URI1: variants seen among roughly 807,000 people sequenced by gnomAD.
URI1 encodes URI1 prefoldin like chaperone, also known as unconventional prefoldin RPB5 interactor 1.
URI1 carries 39 observed loss-of-function variants against 60.2 expected under a neutral mutation model. That is an observed-to-expected ratio of 0.65 (90% CI 0.50 to 0.85). The LOEUF is 0.85. Among genes scored for constraint, URI1 ranks in the 40% least tolerant of loss-of-function variants. The probability of loss-of-function intolerance (pLI) is 0.00; values close to 1 mark genes in which losing one functional copy is unlikely to be tolerated. For synonymous variants in URI1, 251 were observed against 236.8 expected (o/e 1.06, Z -0.55); for missense variants, 691 against 665.9 (o/e 1.04, Z -0.42).
At chr19:29,931,910 TTGTGTGTGTG>T (rs56181840) in intron 1 of URI1, among the ~76,000 whole-genome samples, 16 of 140,084 alleles carry the variant, frequency 1.1e-4, no homozygotes, top group East Asian at 8.5e-4. Context: ...GCTCTAACAG[TTGTGTGTGTG>T]TGTGTGTGTG....
chr19:29,925,928 G>A (rs1401555886), intron 1 of URI1: 1 of 152,184 alleles, frequency 6.6e-6, no homozygotes, highest in African/African-American at 2.4e-5. Flanking sequence ...TTGGTATGAA[G>A]TTTAAAAACA....
At chr19:29,959,219 G>A (rs1599674879) in intron 1 of URI1, among the ~76,000 whole-genome samples, 2 of 152,134 alleles carry the variant, frequency 1.3e-5, no homozygotes, top group African/African-American at 4.8e-5. Context: ...GGAACTCCCA[G>A]GCTCAGGTGA....
intron 1 of URI1, among the ~76,000 whole-genome samples, chr19:29,964,953 CAAG>C (rs1032303563): frequency 2.0e-5 from 3 of 151,412 alleles, no homozygotes; most frequent in African/African-American, 7.3e-5. Flanking sequence ...ACCTGTGTGG[CAAG>C]TTTGCTACTC....
chr19:29,943,684 C>T (rs915610675), intron 1 of URI1, among the ~76,000 whole-genome samples: 1 of 152,060 alleles, frequency 6.6e-6, no homozygotes, highest in Admixed American at 6.5e-5. Context: ...AAAAAACCCT[C>T]GTTTGCTTGG....
intron 4 of URI1, among the ~76,000 whole-genome samples, chr19:29,992,339 G>C (rs1238025836): frequency 1.3e-5 from 2 of 152,226 alleles, no homozygotes; most frequent in Non-Finnish European, 2.9e-5. Context: ...CAAAGTGCTA[G>C]GTTTACAGGC....
At position 29,942,674 on chromosome 19, in the gene URI1, A is replaced by C; in HGVS notation, c.117+10A>C. On this transcript the variant is annotated intron_variant, in intron 1 of 10. Transcript: ENST00000392271. ...CGAGGAGCAGGAAAAGGTAACTAGC[A>C]GCCCCGCGCCGCTTCCGCCTCCGCC... is the stretch of plus-strand genomic sequence containing the variant. The C allele has an allele frequency of 3.6e-6, 5 of 1,380,970 alleles. No homozygotes were observed. The highest frequency in any genetic ancestry group is 4.7e-6 in the Non-Finnish European group (5 of 1,068,134). 85.5% of individuals were successfully genotyped at this position (1,380,970 alleles called of 1,614,324 possible).
At chr19:29,969,402 A>T (rs186671215) in intron 1 of URI1, among the ~76,000 whole-genome samples, 1 of 152,268 alleles carries the variant, frequency 6.6e-6, no homozygotes, top group Admixed American at 6.5e-5. Flanking sequence ...TATGTGCCAA[A>T]TTTGCATATT....
chr19:29,939,476 G>T (rs1284834784), upstream of URI1, among the ~76,000 whole-genome samples: 16 of 151,642 alleles, frequency 1.1e-4, no homozygotes, highest in Admixed American at 3.3e-4. Context: ...GTTTCATCAT[G>T]TTGGCCAGGC....
At chr19:29,974,384 T>G (rs1017356128) in intron 2 of URI1, among the ~76,000 whole-genome samples, 2 of 152,148 alleles carry the variant, frequency 1.3e-5, no homozygotes. Context: ...GAGAGAGAGT[T>G]GGGTTTCTGT....
In URI1 at chr19:30,009,283, A is replaced by G. The variant is rs773761081; in HGVS notation, c.965A>G (p.His322Arg). The change falls in exon 8 of 11, where the codon CAT (histidine) becomes CGT (arginine). Residue 322 changes from histidine (H) to arginine (R), a missense_variant. Transcript: ENST00000392271. ...GACGACGATGATGGTGATAACGACCATGAGGCTTTAGGGGTTGGAGATAAT... is the reference window on the plus strand; with the variant it reads ...GACGACGATGATGGTGATAACGACCGTGAGGCTTTAGGGGTTGGAGATAAT... ...NIDDDDGDNDHEALGVGDNSI... is the reference protein window; with the variant it reads ...NIDDDDGDNDREALGVGDNSI... 6.2e-7 allele frequency: 1 copy of G among 1,614,146 alleles called. No homozygotes were observed. The highest frequency in any genetic ancestry group is 1.7e-5 in the Admixed American group (1 of 60,008).
chr19:29,931,910 T>TGTGTGTG (rs745589583), intron 1 of URI1, among the ~76,000 whole-genome samples: 1 of 139,992 alleles, frequency 7.1e-6, no homozygotes, highest in Non-Finnish European at 1.5e-5. Context: ...GCTCTAACAG[T>TGTGTGTG]TGTGTGTGTG....
upstream of URI1, among the ~76,000 whole-genome samples, chr19:29,938,361 G>C (rs1461236163): frequency 6.6e-6 from 1 of 152,062 alleles, no homozygotes; most frequent in African/African-American, 2.4e-5. Context: ...GAGGTGCCAG[G>C]CTCTTTTAAA....
intron 1 of URI1, among the ~76,000 whole-genome samples, chr19:29,924,837 T>A (rs2054852223): frequency 6.6e-6 from 1 of 152,214 alleles, no homozygotes; most frequent in African/African-American, 2.4e-5. Flanking sequence ...TTATTTTGTT[T>A]AATTTTTAAT....
chr19:29,942,520 A>T lies in URI1; in HGVS notation c.-28A>T. On this transcript the variant is annotated 5_prime_UTR_variant, in exon 1 of 11. Transcript: ENST00000392271. ...GCGCAGGCGCTGGTTCAGGACTCAC[A>T]CGCCGCGCTGAGGCCCGCGGGCCCG... 2.2e-6 allele frequency: 3 copies of T among 1,350,494 alleles called. No homozygotes were observed. The highest frequency in any genetic ancestry group is 2.9e-6 in the Non-Finnish European group (3 of 1,049,752). 83.7% of individuals were successfully genotyped at this position (1,350,494 alleles called of 1,614,324 possible). A position where few individuals can be genotyped will look rare whatever the true frequency, so the allele number is the denominator to read the frequency against.
chr19:30,009,211 GTGATGATGA>G lies in URI1; in HGVS notation c.912_920del (p.Asp309_Asp311del), dbSNP rs3840928. 63 of 1,541,270 alleles carry G rather than the reference GTGATGATGA, an allele frequency of 4.1e-5. No homozygotes were observed. The highest frequency in any genetic ancestry group is 3.4e-4 in the Middle Eastern group (2 of 5,920). On this transcript the variant is annotated inframe_deletion, in exon 8 of 11. Transcript: ENST00000392271. ...GTGAATGGTTCCAGTTCTTACCACA[GTGATGATGA>G]TGATGATGATGATGATGACGACGAC...
chr19:29,986,245 A>ATGTTTTTTCCCTTTTT, intron 3 of URI1, 37 bp from the exon 4 acceptor site: 1 of 1,522,634 alleles, frequency 6.6e-7, no homozygotes, highest in South Asian at 1.3e-5. Flanking sequence ...TCAGTGTTTT[A>ATGTTTTTTCCCTTTTT]TGTTTTTTCC....
At chr19:29,992,663 C>CT (rs769540314) in intron 4 of URI1, among the ~76,000 whole-genome samples, 3 of 152,138 alleles carry the variant, frequency 2.0e-5, no homozygotes, top group Non-Finnish European at 2.9e-5. Context: ...AAGTTTTACT[C>CT]TAAATACTTG....
At chr19:29,988,932 A>G (rs1052149568) in intron 4 of URI1, among the ~76,000 whole-genome samples, 19 of 152,146 alleles carry the variant, frequency 1.2e-4, no homozygotes, top group African/African-American at 3.9e-4. Context: ...TTGCGTCTCT[A>G]CCAGCCCTCA....
intron 1 of URI1, among the ~76,000 whole-genome samples, chr19:29,954,949 C>T (rs918329753): frequency 1.3e-5 from 2 of 152,032 alleles, no homozygotes; most frequent in Admixed American, 1.3e-4. Flanking sequence ...TTTTGTTCAT[C>T]TCATTAAATG....
Sources: allele counts gnomAD v4.1 joint callset (sites outside exome capture counted in the v4.1 genomes callset), GRCh38; gene constraint gnomAD v4.1.1; transcripts MANE v1.5; gene names NCBI Gene and HGNC (gene_info 2026-07-23, HGNC 2026-07-21).